GNG12: variants seen among roughly 807,000 people sequenced by gnomAD.
GNG12 encodes the protein G protein subunit gamma 12.
For missense variants in GNG12, 69 were observed against 83.8 expected (o/e 0.82, Z 0.69); for synonymous variants, 28 against 29.7 (o/e 0.94, Z 0.19).
intron 1 of GNG12, among the ~76,000 whole-genome samples, chr1:67,825,611 G>T (rs941918734): frequency 6.6e-6 from 1 of 152,136 alleles, no homozygotes; most frequent in African/African-American, 2.4e-5. Flanking sequence ...ACAAGACTCC[G>T]CACCTTTTAA....
chr1:67,804,489 A>G (rs954471535), intron 1 of GNG12, among the ~76,000 whole-genome samples: 1 of 152,210 alleles, frequency 6.6e-6, no homozygotes, highest in African/African-American at 2.4e-5. Context: ...TGTCTTTATC[A>G]TAAAAATGCA....
intron 2 of GNG12, among the ~76,000 whole-genome samples, chr1:67,737,105 C>T (rs542412059): frequency 6.6e-6 from 1 of 152,274 alleles, no homozygotes; most frequent in Admixed American, 6.5e-5. Flanking sequence ...ATGATGTTTG[C>T]AACTAAAACC....
Position 67,776,234 on chromosome 1 carries a change from T to C in GNG12, c.-27+1224A>G, listed in dbSNP as rs188099681. On this transcript the variant is annotated intron_variant, in intron 2 of 3. Transcript: ENST00000370982. ...GATTTGACAGTGCTGGCAGTCAGAATGGGGTGAAGGAATGGGACTATAAGA... is the reference window on the plus strand; with the variant it reads ...GATTTGACAGTGCTGGCAGTCAGAACGGGGTGAAGGAATGGGACTATAAGA... 3.6e-4 allele frequency among the ~76,000 whole-genome samples: 55 copies of C among 152,242 alleles called. No homozygotes were observed. The East Asian group carries it at 9.7e-3, about 27-fold the overall frequency.
rs1279372606 is a variant in GNG12 at position 67,833,384 on chromosome 1, C to G, written c.-117G>C. On this transcript the variant is annotated 5_prime_UTR_variant, in exon 1 of 4. Transcript: ENST00000370982. Reference sequence around the variant, plus strand: ...CTGCCCCGCCGTCGCCGCCGGGACTCGGTCTCTAAGGGCTCCTGGAGACGG... The same window carrying G: ...CTGCCCCGCCGTCGCCGCCGGGACTGGGTCTCTAAGGGCTCCTGGAGACGG... 1.0e-6 allele frequency: 1 copy of G among 985,546 alleles called. No individual in the cohort carries two copies. Among genetic ancestry groups the G allele is most frequent in the Non-Finnish European group, 1.2e-6 (1 of 830,186 alleles). 61.1% of individuals were successfully genotyped at this position (985,546 alleles called of 1,614,324 possible). A position where few individuals can be genotyped will look rare whatever the true frequency, so the allele number is the denominator to read the frequency against.
At chr1:67,730,522 G>A (rs187157740) in intron 2 of GNG12, among the ~76,000 whole-genome samples, 1 of 147,858 alleles carries the variant, frequency 6.8e-6, no homozygotes, top group Non-Finnish European at 1.5e-5. Context: ...CCCCCGCACC[G>A]ACCCCCGCCA....
chr1:67,774,934 A>T (rs941820522), intron 2 of GNG12, among the ~76,000 whole-genome samples: 9 of 152,328 alleles, frequency 5.9e-5, no homozygotes, highest in African/African-American at 2.2e-4. Context: ...TTTTCTTGTA[A>T]ATCTCAAGTA....
rs532042685 is a variant in GNG12, at chr1:67,726,869, G to A, written c.-26-19157C>T. Among the ~76,000 whole-genome samples the A allele has an allele frequency of 2.0e-5, 3 of 152,190 alleles. No individual in the cohort carries two copies. The East Asian group carries it at 5.8e-4, about 29-fold the overall frequency. Reference sequence around the variant, plus strand: ...AGGGTGATATAGACTTTGGTTTTAGGATACCCACTACCTTTGGTTTCAGGC... The same window carrying A: ...AGGGTGATATAGACTTTGGTTTTAGAATACCCACTACCTTTGGTTTCAGGC... On this transcript the variant is annotated intron_variant, in intron 2 of 3. Transcript: ENST00000370982.
At chr1:67,724,171 C>T (rs1408904132) in intron 2 of GNG12, among the ~76,000 whole-genome samples, 1 of 151,998 alleles carries the variant, frequency 6.6e-6, no homozygotes, top group East Asian at 1.9e-4. Flanking sequence ...AGTTGAGAAA[C>T]TAGGGAGAGT....
intron 2 of GNG12, among the ~76,000 whole-genome samples, chr1:67,749,929 C>T (rs948889456): frequency 5.9e-5 from 9 of 152,198 alleles, no homozygotes; most frequent in Non-Finnish European, 5.9e-5. Flanking sequence ...ACTGTCCCAT[C>T]TACAGACTCT....
At chr1:67,742,226 C>T (rs1355528062) in intron 2 of GNG12, among the ~76,000 whole-genome samples, 1 of 152,194 alleles carries the variant, frequency 6.6e-6, no homozygotes, top group Non-Finnish European at 1.5e-5. Context: ...TCATCCACCA[C>T]AATGTGCATT....
intron 2 of GNG12, among the ~76,000 whole-genome samples, chr1:67,733,797 C>T (rs1646435197): frequency 6.6e-6 from 1 of 152,180 alleles, no homozygotes; most frequent in African/African-American, 2.4e-5. Context: ...CAAATGTTAT[C>T]TGCCTGTTGC....
chr1:67,727,797 T>C (rs1646395446), intron 2 of GNG12, among the ~76,000 whole-genome samples: 1 of 152,232 alleles, frequency 6.6e-6, no homozygotes, highest in African/African-American at 2.4e-5. Flanking sequence ...ATAGGGCTAA[T>C]TAATTACTTA....
At chr1:67,705,822 T>C (rs1646244148) in intron 3 of GNG12, among the ~76,000 whole-genome samples, 1 of 152,182 alleles carries the variant, frequency 6.6e-6, no homozygotes, top group Admixed American at 6.5e-5. Flanking sequence ...ACTGGCACCA[T>C]GTATCCCTTC....
At chr1:67,789,112 T>C (rs1263198424) in intron 1 of GNG12, among the ~76,000 whole-genome samples, 2 of 152,160 alleles carry the variant, frequency 1.3e-5, no homozygotes, top group Admixed American at 1.3e-4. Context: ...AGGGTGGTAA[T>C]GAATAAAATA....
chr1:67,832,264 C>T (rs531641011), intron 1 of GNG12: 3 of 152,316 alleles, frequency 2.0e-5, no homozygotes, highest in South Asian at 4.1e-4. Flanking sequence ...CAGGAACCTC[C>T]CTTCTACCTC....
At chr1:67,733,039 C>G (rs1262671993) in intron 2 of GNG12, among the ~76,000 whole-genome samples, 1 of 152,228 alleles carries the variant, frequency 6.6e-6, no homozygotes, top group Non-Finnish European at 1.5e-5. Flanking sequence ...GCACCACTTG[C>G]AACTGCACAG....
chr1:67,707,493 A>G, intron 3 of GNG12, 101 bp downstream of exon 3: 7 of 746,410 alleles, frequency 9.4e-6, no homozygotes, highest in South Asian at 4.8e-5. Flanking sequence ...CCTGGAAGCA[A>G]GCGGAATGAA....
At position 67,727,731 on chromosome 1, in the gene GNG12, TA is replaced by T. The variant is rs565760046; in HGVS notation, c.-26-20020del. On this transcript the variant is annotated intron_variant, in intron 2 of 3. Coordinates refer to ENST00000370982, the MANE Select transcript of GNG12 (RefSeq NM_018841.6). ...TAATGTGGTAAGCCTGCTATAATAA[TA>T]ATGCCATCAAAAGATAGCAATTTAC... Among the ~76,000 whole-genome samples the T allele has an allele frequency of 7.9e-4, 121 of 152,336 alleles. 1 individual carries two copies. Among genetic ancestry groups the T allele is most frequent in the African/African-American group, 2.8e-3 (117 of 41,576 alleles).
At chr1:67,809,494 G>A (rs767051237) in intron 1 of GNG12, among the ~76,000 whole-genome samples, 5 of 152,162 alleles carry the variant, frequency 3.3e-5, no homozygotes, top group Non-Finnish European at 5.9e-5. Context: ...AGAATGAGAA[G>A]CCACAGACTG....
Sources: allele counts gnomAD v4.1 joint callset (sites outside exome capture counted in the v4.1 genomes callset), GRCh38; gene constraint gnomAD v4.1.1; transcripts MANE v1.5; gene names NCBI Gene and HGNC (gene_info 2026-07-23, HGNC 2026-07-21).